Variants in ATP8B4 observed in about 807,000 individuals in gnomAD.
ATP8B4 encodes ATPase phospholipid transporting 8B4 (putative).
In ATP8B4, 133 loss-of-function variants were observed where a neutral mutation model predicts 145.6. The ratio of observed to expected loss-of-function variants is 0.91; its 90% CI spans 0.79 to 1.05. The LOEUF is 1.05. Among genes scored for constraint, ATP8B4 ranks in the 50% least tolerant of loss-of-function variants. The pLI is 0.00. For synonymous variants in ATP8B4, 507 were observed against 492.9 expected (o/e 1.03, Z -0.38); for missense variants, 1,458 against 1,425.2 (o/e 1.02, Z -0.37).
chr15:50,165,299 C>T (rs1031685706), intron 1 of ATP8B4, among the ~76,000 whole-genome samples: 10 of 152,136 alleles, frequency 6.6e-5, no homozygotes, highest in Non-Finnish European at 1.2e-4. Flanking sequence ...GTGATCTGCC[C>T]GCCTCAGCCT....
At chr15:50,112,987 G>A (rs2057023157) in intron 1 of ATP8B4, among the ~76,000 whole-genome samples, 1 of 152,174 alleles carries the variant, frequency 6.6e-6, no homozygotes, top group Non-Finnish European at 1.5e-5. Flanking sequence ...TTGAGCAGGA[G>A]CTGGGTCTTA....
At chr15:50,172,677 T>G (rs1222101872) in intron 1 of ATP8B4, among the ~76,000 whole-genome samples, 1 of 146,334 alleles carries the variant, frequency 6.8e-6, no homozygotes, top group African/African-American at 2.6e-5. Flanking sequence ...TTCCCGGCCG[T>G]CATCCCATCT....
intron 25 of ATP8B4, among the ~76,000 whole-genome samples, chr15:49,868,264 G>A (rs2033125156): frequency 6.6e-6 from 1 of 152,136 alleles, no homozygotes; most frequent in Non-Finnish European, 1.5e-5. Flanking sequence ...CAAAATTGTT[G>A]AAACAACAAC....
intron 1 of ATP8B4, among the ~76,000 whole-genome samples, chr15:50,155,105 T>A (rs927537575): frequency 6.6e-6 from 1 of 152,174 alleles, no homozygotes; most frequent in Non-Finnish European, 1.5e-5. Context: ...TTTTTCTTGT[T>A]AACTACTTTT....
At chr15:49,872,968 G>A (rs2033882103) in intron 25 of ATP8B4, among the ~76,000 whole-genome samples, 1 of 152,188 alleles carries the variant, frequency 6.6e-6, no homozygotes, top group Non-Finnish European at 1.5e-5. Context: ...AGCTAGGTGA[G>A]GGTATGCAGG....
chr15:50,029,854 T>G (rs552554298), intron 6 of ATP8B4, among the ~76,000 whole-genome samples: 19 of 152,316 alleles, frequency 1.2e-4, no homozygotes, highest in African/African-American at 4.6e-4. Flanking sequence ...CCAAGTTTTC[T>G]TAATTTACTA....
At chr15:49,938,444 A>C (rs1397340648) in intron 14 of ATP8B4, among the ~76,000 whole-genome samples, 1 of 152,180 alleles carries the variant, frequency 6.6e-6, no homozygotes, top group African/African-American at 2.4e-5. Flanking sequence ...AACAGAAAAG[A>C]CCAAGGATCA....
chr15:50,018,622 A>G (rs569252681), intron 6 of ATP8B4, among the ~76,000 whole-genome samples: 2 of 152,366 alleles, frequency 1.3e-5, no homozygotes, highest in Non-Finnish European at 2.9e-5. Context: ...TGTCATCAAA[A>G]GTCCAGTGAG....
intron 26 of ATP8B4, among the ~76,000 whole-genome samples, chr15:49,863,771 T>C (rs534747433): frequency 8.5e-5 from 13 of 152,280 alleles, no homozygotes; most frequent in Admixed American, 5.2e-4. Context: ...GAAAACAAGC[T>C]TCACTTTGAA....
chr15:50,059,937 G>T (rs951491745), intron 3 of ATP8B4, among the ~76,000 whole-genome samples: 1 of 152,164 alleles, frequency 6.6e-6, no homozygotes, highest in Non-Finnish European at 1.5e-5. Flanking sequence ...TCCCCAAATG[G>T]TTAATATTTC....
chr15:50,037,884 G>C (rs573095426), intron 6 of ATP8B4, among the ~76,000 whole-genome samples: 2 of 152,296 alleles, frequency 1.3e-5, no homozygotes, highest in East Asian at 3.9e-4. Flanking sequence ...TTTAGTTATA[G>C]AGATTACTTC....
intron 8 of ATP8B4, among the ~76,000 whole-genome samples, chr15:49,999,471 A>C (rs1024234674): frequency 3.3e-5 from 5 of 151,838 alleles, no homozygotes; most frequent in African/African-American, 1.2e-4. Flanking sequence ...CCAGCATGGC[A>C]CATGTATACA....
At chr15:50,174,960 G>A (rs1309523565) in intron 1 of ATP8B4, among the ~76,000 whole-genome samples, 1 of 152,172 alleles carries the variant, frequency 6.6e-6, no homozygotes, top group African/African-American at 2.4e-5. Context: ...TAGATTCATG[G>A]AACAGAATAG....
At chr15:49,872,686 C>G (rs1455885415) in intron 25 of ATP8B4, among the ~76,000 whole-genome samples, 1 of 152,142 alleles carries the variant, frequency 6.6e-6, no homozygotes, top group African/African-American at 2.4e-5. Context: ...GGTGACCAGT[C>G]TTCAAAAGTG....
At chr15:50,003,661 C>T (rs1264721338) in intron 7 of ATP8B4, among the ~76,000 whole-genome samples, 4 of 152,122 alleles carry the variant, frequency 2.6e-5, no homozygotes, top group African/African-American at 9.7e-5. Context: ...AGTCTATGGG[C>T]CTGCACCTCT....
intron 27 of ATP8B4, among the ~76,000 whole-genome samples, 169 bp from the exon 28 acceptor site, chr15:49,860,644 G>T (rs187143272): frequency 1.3e-5 from 2 of 152,030 alleles, no homozygotes; most frequent in African/African-American, 2.4e-5. Flanking sequence ...GATAACACTG[G>T]GGGGGCACTG....
At chr15:50,175,853 T>C (rs2414034) in intron 1 of ATP8B4, among the ~76,000 whole-genome samples, 9,874 of 152,254 alleles carry the variant, frequency 0.065, 418 homozygotes, top group Middle Eastern at 0.095. Flanking sequence ...GCTGGGTATC[T>C]ACCCAAAGGA....
chr15:50,030,118 A>G (rs79322467), intron 6 of ATP8B4, among the ~76,000 whole-genome samples: 5,520 of 152,224 alleles, frequency 0.036, 355 homozygotes, highest in African/African-American at 0.13. Context: ...TTAAGATCCT[A>G]AGAAAACTTT....
At chr15:50,003,246 A>C (rs1166322571) in intron 7 of ATP8B4, among the ~76,000 whole-genome samples, 1 of 151,270 alleles carries the variant, frequency 6.6e-6, no homozygotes, top group Non-Finnish European at 1.5e-5. Context: ...TCAAGCTTTT[A>C]AATTTGCAAC....
Sources: gnomAD v4.1 joint callset for allele counts (sites outside exome capture counted in the v4.1 genomes callset) on GRCh38, gnomAD v4.1.1 for gene constraint, MANE v1.5 for transcripts, NCBI Gene and HGNC (gene_info 2026-07-23, HGNC 2026-07-21) for gene names.